Variants in SYNE1 observed in about 807,000 individuals in gnomAD.
The protein encoded by SYNE1 is spectrin repeat containing nuclear envelope protein 1.
SYNE1 carries 616 observed loss-of-function variants against 1,111.0 expected under a neutral mutation model. The observed-to-expected ratio is 0.55, with a 90% CI of 0.52 to 0.59. The LOEUF (loss-of-function observed/expected upper bound fraction) is 0.59. SYNE1 is among the 20% of genes least tolerant of loss of function. SYNE1 has a pLI of 0.00. For synonymous variants in SYNE1, 3,855 were observed against 3,825.8 expected, an observed-to-expected ratio of 1.01 and a Z score of -0.28; for missense variants, 10,006 against 10,417.0, an observed-to-expected ratio of 0.96 and a Z score of 1.72.
chr6:152,217,478 A>C (rs1738559483), intron 121 of SYNE1, among the ~76,000 whole-genome samples: 1 of 152,086 alleles, frequency 6.6e-6, no homozygotes, highest in Admixed American at 6.5e-5. Context: ...GTATGATATG[A>C]TGTTTTCACA....
chr6:152,306,346 C>T (rs1477560216), intron 91 of SYNE1, among the ~76,000 whole-genome samples: 1 of 151,824 alleles, frequency 6.6e-6, no homozygotes, highest in Non-Finnish European at 1.5e-5. Flanking sequence ...ATTATCAGGG[C>T]ATGGTGATGT....
intron 72 of SYNE1, among the ~76,000 whole-genome samples, chr6:152,349,769 T>C (rs1354462162): frequency 6.6e-6 from 1 of 152,192 alleles, no homozygotes; most frequent in East Asian, 1.9e-4. Context: ...AACTGAATCA[T>C]GGGGACAGCT....
intron 32 of SYNE1, among the ~76,000 whole-genome samples, chr6:152,438,282 GT>G (rs1023831669): frequency 6.6e-6 from 1 of 152,086 alleles, no homozygotes; most frequent in African/African-American, 2.4e-5. Flanking sequence ...GAAAAATAAA[GT>G]GTTTTATTTT....
rs1254915066 is a variant in SYNE1, at chr6:152,353,155, A to G, written c.11253+108T>C. 4 of 1,418,992 alleles carry G rather than the reference A, an allele frequency of 2.8e-6. No individual in the cohort carries two copies. The African/African-American group carries it at 5.6e-5, about 20-fold the overall frequency. The allele number at this position is 1,418,992 out of a possible 1,614,324, so 87.9% of individuals were successfully genotyped here. On this transcript the variant is annotated intron_variant, in intron 69 of 145. Transcript: ENST00000367255. ...GTAAAATGATGAGCTCAGGATCACC[A>G]ATCATAATGGTTGGGATGATCACCT...
intron 21 of SYNE1, among the ~76,000 whole-genome samples, chr6:152,459,544 G>C (rs183145851): frequency 6.6e-5 from 10 of 152,312 alleles, no homozygotes; most frequent in African/African-American, 2.2e-4. Context: ...CATGCTAGGG[G>C]AGGGCTCTGT....
intron 34 of SYNE1, among the ~76,000 whole-genome samples, chr6:152,433,153 T>C (rs1422543124): frequency 6.6e-6 from 1 of 151,476 alleles, no homozygotes; most frequent in East Asian, 1.9e-4. Context: ...TATAAAATTG[T>C]ATAAAAGAAA....
chr6:152,540,185 A>G (rs907454785), intron 3 of SYNE1, among the ~76,000 whole-genome samples, 164 bp from the exon 4 acceptor site: 2 of 151,782 alleles, frequency 1.3e-5, no homozygotes, highest in Non-Finnish European at 2.9e-5. Context: ...GTCGATCTAC[A>G]TAATCATATA....
intron 74 of SYNE1, among the ~76,000 whole-genome samples, chr6:152,342,751 TA>T (rs1242342703): frequency 6.6e-6 from 1 of 152,048 alleles, no homozygotes; most frequent in Admixed American, 6.6e-5. Context: ...TACAAAAGTT[TA>T]AAAAAAATAT....
chr6:152,190,686 T>G (rs995934191), intron 127 of SYNE1, among the ~76,000 whole-genome samples: 1 of 152,222 alleles, frequency 6.6e-6, no homozygotes, highest in Non-Finnish European at 1.5e-5. Flanking sequence ...TTTGTAACCA[T>G]TAACCATCCT....
intron 39 of SYNE1, among the ~76,000 whole-genome samples, chr6:152,421,911 G>A (rs1471195253): frequency 6.6e-6 from 1 of 151,892 alleles, no homozygotes; most frequent in Admixed American, 6.6e-5. Context: ...TCACCACATT[G>A]GCCAGGCTGG....
chr6:152,417,162 T>C (rs1280833303), intron 40 of SYNE1, 147 bp from the exon 41 acceptor site: 3 of 1,273,666 alleles, frequency 2.4e-6, no homozygotes, highest in Middle Eastern at 2.6e-4. Context: ...TCTTAGAAAA[T>C]TCACAAAATT....
intron 145 of SYNE1, chr6:152,125,115 A>G: frequency 1.2e-6 from 1 of 827,794 alleles, no homozygotes. Context: ...AGGCTGAATG[A>G]CTTGCTTCAG....
intron 97 of SYNE1, among the ~76,000 whole-genome samples, chr6:152,279,147 C>CTTTTTTTTT (rs59520598): frequency 9.8e-5 from 11 of 112,682 alleles, no homozygotes; most frequent in African/African-American, 2.0e-4. Context: ...CTTTTCTTTT[C>CTTTTTTTTT]TTTTTTTTTT....
intron 3 of SYNE1, among the ~76,000 whole-genome samples, chr6:152,574,577 T>C (rs986897994): frequency 3.3e-5 from 5 of 152,164 alleles, no homozygotes; most frequent in African/African-American, 1.2e-4. Flanking sequence ...TCTTATCTCA[T>C]TAATTGGACT....
intron 1 of SYNE1, 83 bp downstream of exon 1, chr6:152,637,106 C>G (rs1296174771): frequency 6.6e-6 from 1 of 152,520 alleles, no homozygotes; most frequent in Non-Finnish European, 1.5e-5. Flanking sequence ...GCTCCGTGCC[C>G]CGCGCCCCGC....
At chr6:152,353,046 C>A (rs1190582579) in intron 69 of SYNE1, among the ~76,000 whole-genome samples, 2 of 152,128 alleles carry the variant, frequency 1.3e-5, no homozygotes, top group Non-Finnish European at 2.9e-5. Flanking sequence ...CATGGGTGTC[C>A]ATGTGTAAGT....
intron 125 of SYNE1, among the ~76,000 whole-genome samples, chr6:152,206,899 C>A (rs1286892843): frequency 1.3e-5 from 2 of 152,042 alleles, no homozygotes; most frequent in African/African-American, 4.8e-5. Context: ...GGAGATGAGG[C>A]CAGACGACAT....
At chr6:152,191,798 T>C (rs756265945) in intron 127 of SYNE1, among the ~76,000 whole-genome samples, 7 of 152,134 alleles carry the variant, frequency 4.6e-5, no homozygotes, top group Non-Finnish European at 1.0e-4. Context: ...TGAGTTTGGT[T>C]TGCTCTTGCT....
At chr6:152,283,853 A>G in intron 96 of SYNE1, 125 bp downstream of exon 96, 1 of 887,512 alleles carries the variant, frequency 1.1e-6, no homozygotes, top group Non-Finnish European at 1.8e-6. Flanking sequence ...CATTCTTGAA[A>G]CACAATCCCA....
Sources: allele counts gnomAD v4.1 joint callset (sites outside exome capture counted in the v4.1 genomes callset), GRCh38; gene constraint gnomAD v4.1.1; transcripts MANE v1.5; gene names NCBI Gene and HGNC (gene_info 2026-07-23, HGNC 2026-07-21).